Variants in NFIA observed in about 807,000 individuals in gnomAD.
NFIA encodes the protein nuclear factor I A.
NFIA carries 8 observed loss-of-function variants against 62.8 expected under a neutral mutation model. The ratio of observed to expected loss-of-function variants is 0.13; its 90% CI spans 0.07 to 0.23. The LOEUF (loss-of-function observed/expected upper bound fraction) is 0.23, where lower values mean the gene tolerates loss of function less well. Among genes scored for constraint, NFIA ranks in the 10% least tolerant of loss-of-function variants. The pLI, the probability that NFIA is intolerant of heterozygous loss-of-function variation, is 1.00. For synonymous variants in NFIA, 235 were observed against 238.1 expected (o/e 0.99, Z 0.12); for missense variants, 410 against 642.1 (o/e 0.64, Z 3.91).
chr1:61,386,931 A>G (rs896182196), intron 7 of NFIA, among the ~76,000 whole-genome samples: 3 of 152,172 alleles, frequency 2.0e-5, no homozygotes, highest in African/African-American at 7.2e-5. Flanking sequence ...CCTGGTTCAT[A>G]GATGGCATCT....
intron 2 of NFIA, among the ~76,000 whole-genome samples, chr1:61,091,744 A>C (rs1256116241): frequency 6.6e-6 from 1 of 152,196 alleles, no homozygotes; most frequent in Non-Finnish European, 1.5e-5. Context: ...TCACAATTTA[A>C]GTTGTTAAGG....
At chr1:61,386,399 A>G (rs74086950) in intron 7 of NFIA, among the ~76,000 whole-genome samples, 2,086 of 152,278 alleles carry the variant, frequency 0.014, 53 homozygotes, top group African/African-American at 0.048. Flanking sequence ...AAAAGAAAAG[A>G]ATGTCCTTTA....
At chr1:61,207,587 A>G (rs1652980203) in intron 2 of NFIA, among the ~76,000 whole-genome samples, 1 of 151,922 alleles carries the variant, frequency 6.6e-6, no homozygotes, top group African/African-American at 2.4e-5. Flanking sequence ...CAGTGCAGGG[A>G]AATCTGTAGC....
intron 2 of NFIA, among the ~76,000 whole-genome samples, chr1:61,199,999 AAT>A (rs1652310659): frequency 8.6e-6 from 1 of 116,288 alleles, no homozygotes; most frequent in Non-Finnish European, 1.7e-5. Flanking sequence ...CAACTCACAA[AAT>A]ATATATATGT....
At chr1:61,335,773 C>T (rs1279717675) in intron 4 of NFIA, among the ~76,000 whole-genome samples, 2 of 151,410 alleles carry the variant, frequency 1.3e-5, no homozygotes, top group African/African-American at 2.4e-5. Context: ...ACCCGGGAGA[C>T]GGAGGTTGCA....
chr1:61,177,985 G>C (rs558347155), intron 2 of NFIA, among the ~76,000 whole-genome samples: 1 of 152,136 alleles, frequency 6.6e-6, no homozygotes, highest in Admixed American at 6.5e-5. Flanking sequence ...ATCTCCCTTC[G>C]AGCGCATGAA....
At chr1:61,222,344 G>A (rs964148428) in intron 2 of NFIA, among the ~76,000 whole-genome samples, 6 of 152,092 alleles carry the variant, frequency 3.9e-5, no homozygotes, top group South Asian at 2.1e-4. Flanking sequence ...CCGTTATACC[G>A]TTTAGAGTCT....
intron 9 of NFIA, among the ~76,000 whole-genome samples, chr1:61,414,229 T>C (rs1187755019): frequency 6.6e-6 from 1 of 152,090 alleles, no homozygotes; most frequent in East Asian, 1.9e-4. Flanking sequence ...GCGGTCCACC[T>C]GCCTCGGCCT....
intron 2 of NFIA, among the ~76,000 whole-genome samples, chr1:61,105,357 T>A (rs1170364603): frequency 1.3e-5 from 2 of 152,040 alleles, no homozygotes; most frequent in Non-Finnish European, 2.9e-5. Context: ...ATATGTGTAA[T>A]ATTTAGAATT....
chr1:61,453,443 C>CTTTTTTTTT (rs11336299), intron 10 of NFIA, among the ~76,000 whole-genome samples: 1 of 78,868 alleles, frequency 1.3e-5, no homozygotes, highest in African/African-American at 5.1e-5. Context: ...TGTGAAGAAA[C>CTTTTTTTTT]TTTTTTTTTT....
chr1:61,126,462 A>ACACACT (rs1553153075), intron 2 of NFIA, among the ~76,000 whole-genome samples: 28 of 145,926 alleles, frequency 1.9e-4, no homozygotes, highest in Middle Eastern at 7.1e-3. Context: ...ACACACACAC[A>ACACACT]CACACACACA....
chr1:61,232,678 A>T (rs1654751856), intron 2 of NFIA, among the ~76,000 whole-genome samples: 1 of 152,188 alleles, frequency 6.6e-6, no homozygotes, highest in South Asian at 2.1e-4. Flanking sequence ...AGATTTTTTT[A>T]AAAAACACTT....
At chr1:61,098,377 A>G (rs1646452500) in intron 2 of NFIA, among the ~76,000 whole-genome samples, 1 of 152,220 alleles carries the variant, frequency 6.6e-6, no homozygotes, top group South Asian at 2.1e-4. Flanking sequence ...TTGCGTCTTT[A>G]TATGACTATG....
chr1:61,393,083 G>A (rs962708714), intron 7 of NFIA, among the ~76,000 whole-genome samples: 2 of 151,704 alleles, frequency 1.3e-5, no homozygotes, highest in Non-Finnish European at 2.9e-5. Flanking sequence ...TGTACCTTGC[G>A]TAGTCAGATA....
chr1:61,110,491 A>G (rs1646677702), intron 2 of NFIA, among the ~76,000 whole-genome samples: 1 of 152,072 alleles, frequency 6.6e-6, no homozygotes, highest in African/African-American at 2.4e-5. Flanking sequence ...ACGTATCAGT[A>G]TAGAAAAATG....
At chr1:61,079,762 A>C (rs1646073195), upstream of NFIA, among the ~76,000 whole-genome samples, 1 of 152,044 alleles carries the variant, frequency 6.6e-6, no homozygotes, top group Non-Finnish European at 1.5e-5. Flanking sequence ...GTGCCTTAGT[A>C]TCTTTGTGAA....
chr1:61,428,067 G>A (rs896853011), intron 10 of NFIA, among the ~76,000 whole-genome samples: 2 of 152,166 alleles, frequency 1.3e-5, no homozygotes, highest in African/African-American at 4.8e-5. Context: ...CCCAAAGCAC[G>A]AATGTCCTCA....
At chr1:61,246,009 T>A (rs187267763) in intron 2 of NFIA, among the ~76,000 whole-genome samples, 60 of 152,288 alleles carry the variant, frequency 3.9e-4, no homozygotes, top group African/African-American at 1.4e-3. Context: ...AAACCCTATA[T>A]GAACCCCAAA....
At chr1:61,200,585 C>T (rs1222196839) in intron 2 of NFIA, among the ~76,000 whole-genome samples, 4 of 152,096 alleles carry the variant, frequency 2.6e-5, no homozygotes, top group Non-Finnish European at 4.4e-5. Context: ...ATACATTCTC[C>T]AAAATAAAAA....
Sources: allele counts gnomAD v4.1 joint callset (sites outside exome capture counted in the v4.1 genomes callset), GRCh38; gene constraint gnomAD v4.1.1; transcripts MANE v1.5; gene names NCBI Gene and HGNC (gene_info 2026-07-23, HGNC 2026-07-21).